The following PRSS41 variants were observed in gnomAD, a reference collection of about 807,000 sequenced individuals.
PRSS41 encodes the protein serine protease 41.
Under a neutral mutation model 28.8 loss-of-function variants are expected in PRSS41, and 37 were observed. The ratio of observed to expected loss-of-function variants is 1.29; its 90% confidence interval spans 0.99 to 1.69. The LOEUF (loss-of-function observed/expected upper bound fraction) is 1.69. Among genes scored for constraint, PRSS41 ranks in the 40% most tolerant of loss-of-function variants. The pLI is 0.00. For missense variants in PRSS41, 431 were observed against 400.7 expected, an observed-to-expected ratio of 1.08 and a Z score of -0.65; for synonymous variants, 195 against 163.1, an observed-to-expected ratio of 1.20 and a Z score of -1.49.
Position 2,799,420 on chromosome 16 carries a change from T to TA in PRSS41, c.393dup (p.Arg132ThrfsTer3), listed in dbSNP as rs1226922691. The TA allele has an allele frequency of 5.8e-6, 9 of 1,552,052 alleles. No individual in the cohort carries two copies. The highest frequency in any genetic ancestry group is 7.8e-6 in the Non-Finnish European group (9 of 1,147,082). ...GTGAACCCTGACGCACTTGGGGTTTTACGCAATGACATTGCCCTGCTGAGA... is the reference window on the plus strand; with the variant it reads ...GTGAACCCTGACGCACTTGGGGTTTTAACGCAATGACATTGCCCTGCTGAGA... On this transcript the variant is annotated frameshift_variant, in exon 4 of 6. Transcript: ENST00000399677. LOFTEE classifies it high-confidence loss of function.
At chr16:2,805,001 C>T (rs2069011941) in exon 6 of PRSS41, 3 of 1,577,160 alleles carry the variant, frequency 1.9e-6, no homozygotes, top group African/African-American at 1.4e-5. Context: ...CTGCGGTCAA[C>T]CCAATCGGCC....
At chr16:2,803,448 T>C (rs1287631065) in intron 4 of PRSS41, among the ~76,000 whole-genome samples, 1 of 152,214 alleles carries the variant, frequency 6.6e-6, no homozygotes, top group Non-Finnish European at 1.5e-5. Context: ...TCTGTTCCTA[T>C]ATGGCTCCAT....
At chr16:2,805,183 C>T (rs2069014039) in exon 6 of PRSS41, 1 of 1,423,908 alleles carries the variant, frequency 7.0e-7, no homozygotes, top group Non-Finnish European at 9.6e-7. Context: ...GCAGTGGGGA[C>T]CACAGTATTG....
Position 2,802,050 on chromosome 16 carries a change from T to G in PRSS41, c.542-2339T>G, listed in dbSNP as rs867742965. Among the ~76,000 whole-genome samples the G allele has an allele frequency of 4.3e-5, 6 of 138,036 alleles. No homozygotes were observed. The Admixed American group carries it at 4.6e-4, about 11-fold the overall frequency. The allele number at this position is 138,036 out of a possible 152,430, so 90.6% of individuals were successfully genotyped here. A position where few individuals can be genotyped will look rare whatever the true frequency, so the allele number is the denominator to read the frequency against. Reference sequence around the variant, plus strand: ...CCCCCCACCTCCCTCCCGGACGGGGTGGCTGCCGGGCGGAGATGCTCCTCA... The same window carrying G: ...CCCCCCACCTCCCTCCCGGACGGGGGGGCTGCCGGGCGGAGATGCTCCTCA... On this transcript the variant is annotated intron_variant, in intron 4 of 5. Coordinates refer to ENST00000399677, the Ensembl canonical transcript of PRSS41.
At chr16:2,799,561 C>A (rs1213844256) in exon 4 of PRSS41, 3 of 1,551,428 alleles carry the variant, frequency 1.9e-6, no homozygotes, top group Non-Finnish European at 2.6e-6. Flanking sequence ...TTAATCAGCC[C>A]CAGTGGCAGT....
At chr16:2,801,486 G>A (rs1191480705) in intron 4 of PRSS41, among the ~76,000 whole-genome samples, 4 of 151,024 alleles carry the variant, frequency 2.6e-5, no homozygotes, top group African/African-American at 7.3e-5. Flanking sequence ...AGGACCCTGC[G>A]GCCTTCCGCA....
intron 2 of PRSS41, 102 bp downstream of exon 2, chr16:2,798,764 C>A: frequency 1.6e-6 from 2 of 1,250,824 alleles, no homozygotes; most frequent in Non-Finnish European, 2.1e-6. Flanking sequence ...ACGTGATGCT[C>A]TCAAGTAACT....
chr16:2,801,010 T>G (rs2068982145), intron 4 of PRSS41, among the ~76,000 whole-genome samples: 1 of 152,230 alleles, frequency 6.6e-6, no homozygotes, highest in Non-Finnish European at 1.5e-5. Flanking sequence ...AGGTTCATTT[T>G]GTGGGATGTA....
intron 4 of PRSS41, among the ~76,000 whole-genome samples, chr16:2,804,032 C>A (rs922263082): frequency 6.6e-6 from 1 of 152,148 alleles, no homozygotes; most frequent in Non-Finnish European, 1.5e-5. Flanking sequence ...ACCTGGATCC[C>A]ACAGCTGTCA....
At chr16:2,798,912 A>ACCCCCC in intron 2 of PRSS41, 47 bp from the exon 3 acceptor site, 1 of 758,402 alleles carries the variant, frequency 1.3e-6, no homozygotes, top group Non-Finnish European at 1.9e-6. Context: ...GGGCCTGCCC[A>ACCCCCC]CCCCACCCCA....
rs1352930915 is a variant in PRSS41 at position 2,799,330 on chromosome 16, C to CT, written c.304dup (p.Ser102PhefsTer25). On this transcript the variant is annotated frameshift_variant, in exon 4 of 6. Transcript: ENST00000399677. LOFTEE classifies it high-confidence loss of function. ...TGGACGGTCCAGCTGGGCGAGCTGA[C>CT]TTCCAGGCCAACTCCTTGGAACCTG... 7 of 1,551,626 alleles carry CT rather than the reference C, an allele frequency of 4.5e-6. No individual in the cohort carries two copies. In the East Asian group the frequency reaches 1.7e-4, roughly 38 times the overall value.
At position 2,802,025 on chromosome 16, in the gene PRSS41, C is replaced by A. The variant is rs555894169; in HGVS notation, c.542-2364C>A. ...CGGCTGGCCGGGCGTGGGGCTGACC[C>A]CCCCCACCTCCCTCCCGGACGGGGT... On this transcript the variant is annotated intron_variant, in intron 4 of 5. Transcript: ENST00000399677. Among the ~76,000 whole-genome samples the A allele has an allele frequency of 9.6e-5, 14 of 145,660 alleles. No homozygotes were observed. The South Asian group carries it at 2.3e-3, about 24-fold the overall frequency.
At chr16:2,802,247 CG>C (rs1478462285) in intron 4 of PRSS41, among the ~76,000 whole-genome samples, 1 of 142,682 alleles carries the variant, frequency 7.0e-6, no homozygotes, top group Non-Finnish European at 1.5e-5. Context: ...CCAGATGGGG[CG>C]GCGGGGCAGA....
exon 6 of PRSS41, chr16:2,805,218 G>A (rs1021680239): frequency 1.4e-5 from 15 of 1,103,434 alleles, no homozygotes; most frequent in African/African-American, 9.3e-5. Context: ...GGCTGTGGGC[G>A]CTTCAGGGAC....
chr16:2,804,914 G>A, exon 6 of PRSS41: 2 of 1,580,084 alleles, frequency 1.3e-6, no homozygotes, highest in East Asian at 4.7e-5. Context: ...TGCTCCCCAG[G>A]GTGACTCAGG....
chr16:2,798,511 G>A (rs1366271054), exon 1 of PRSS41: 15 of 1,511,470 alleles, frequency 9.9e-6, no homozygotes, highest in Non-Finnish European at 1.2e-5. Context: ...CGCTGCTGCT[G>A]GCGCTGCTGC....
At chr16:2,799,023 C>G in exon 3 of PRSS41, 1 of 1,532,542 alleles carries the variant, frequency 6.5e-7, no homozygotes, top group Non-Finnish European at 8.7e-7. Flanking sequence ...CGCGCGGGCG[C>G]TGGCCATGGC....
At chr16:2,798,586 G>A in intron 1 of PRSS41, 38 bp downstream of exon 1, 2 of 1,525,278 alleles carry the variant, frequency 1.3e-6, no homozygotes. Flanking sequence ...CGGGGGCAGC[G>A]AGGAGGCCGG....
At chr16:2,800,783 T>A (rs1393067967) in intron 4 of PRSS41, among the ~76,000 whole-genome samples, 1 of 152,226 alleles carries the variant, frequency 6.6e-6, no homozygotes, top group Non-Finnish European at 1.5e-5. Context: ...TAGCTTACTG[T>A]AAACTTTTTA....
Sources: allele counts gnomAD v4.1 joint callset (sites outside exome capture counted in the v4.1 genomes callset), GRCh38; gene constraint gnomAD v4.1.1; transcripts MANE v1.5; gene names NCBI Gene and HGNC (gene_info 2026-07-23, HGNC 2026-07-21).